The following USP6NL variants were observed in gnomAD, a reference collection of about 807,000 sequenced individuals.
The protein encoded by USP6NL is USP6 N-terminal like.
A neutral mutation model predicts 61.9 loss-of-function variants in USP6NL; 26 were observed. The ratio of observed to expected loss-of-function variants is 0.42; its 90% CI spans 0.31 to 0.58. The LOEUF is 0.58. Ranked by LOEUF, USP6NL falls within the 20% of genes least tolerant of loss-of-function variation. The probability of loss-of-function intolerance (pLI) is 0.16; values close to 1 mark genes in which losing one functional copy is unlikely to be tolerated. For missense variants in USP6NL, 1,114 were observed against 1,034.3 expected (o/e 1.08, Z -1.06); for synonymous variants, 432 against 390.1 (o/e 1.11, Z -1.27).
At position 11,482,886 on chromosome 10, in the gene USP6NL, A is replaced by G. The variant is rs185806406; in HGVS notation, c.926-964T>C. On this transcript the variant is annotated intron_variant, in intron 13 of 14. Transcript: ENST00000609104. The surrounding 1 kb of genome is among the most constrained non-coding windows in gnomAD (Gnocchi z 4.0). The stretch of plus-strand genomic sequence containing the variant: ...TTTTAATTGGCTAATGACAAATTGT[A>G]TATATCTGTGGTAGACAATGTTTTG... 2.2e-4 allele frequency among the ~76,000 whole-genome samples: 34 copies of G among 152,342 alleles called. No individual in the cohort carries two copies. Among genetic ancestry groups the G allele is most frequent in the East Asian group, 1.7e-3 (9 of 5,196 alleles).
At chr10:11,500,143 A>T (rs1834115216) in intron 7 of USP6NL, among the ~76,000 whole-genome samples, 1 of 152,186 alleles carries the variant, frequency 6.6e-6, no homozygotes, top group African/African-American at 2.4e-5. Context: ...CATGATGAGG[A>T]ACAAAACATA....
At position 11,470,877 on chromosome 10, in the gene USP6NL, C is replaced by A. The variant is rs1375360406; in HGVS notation, c.1079-7028G>T. Among the ~76,000 whole-genome samples the A allele has an allele frequency of 6.6e-6, 1 of 152,208 alleles. No individual in the cohort carries two copies. The highest frequency in any genetic ancestry group is 1.9e-4 in the East Asian group (1 of 5,202). ...ATGCCTAAAATTTTATTTTCCCTTT[C>A]CTCTCCCTAAAAACACAGGAATTGG... is the stretch of plus-strand genomic sequence containing the variant. On this transcript the variant is annotated intron_variant, in intron 14 of 14. Coordinates refer to ENST00000609104, the MANE Select transcript of USP6NL (RefSeq NM_014688.5). This position sits in a 1 kb window ranked among gnomAD's most constrained non-coding sequence, Gnocchi z 5.4.
chr10:11,608,123 C>G (rs1476225507), intron 1 of USP6NL, among the ~76,000 whole-genome samples: 1 of 152,162 alleles, frequency 6.6e-6, no homozygotes, highest in Non-Finnish European at 1.5e-5. Flanking sequence ...GAAAATGGAA[C>G]CAAAATGAAA....
chr10:11,510,576 C>T lies in USP6NL; in HGVS notation c.196-901G>A, dbSNP rs577835818. On this transcript the variant is annotated intron_variant, in intron 5 of 14. Transcript: ENST00000609104. This position sits in a 1 kb window ranked among gnomAD's most constrained non-coding sequence, Gnocchi z 4.8. ...TGGGGAAAGTGAGACGGAAAATGCT[C>T]GCTCTTCACTTGTTTGGTTTCCAGG... Among the ~76,000 whole-genome samples the T allele has an allele frequency of 2.0e-5, 3 of 152,256 alleles. No individual in the cohort carries two copies. The highest frequency in any genetic ancestry group is 1.9e-4 in the East Asian group (1 of 5,184).
Position 11,485,243 on chromosome 10 carries a change from A to C in USP6NL, c.760-9T>G. Reference sequence around the variant, plus strand: ...TAGATTTCTTGAGAATCCTGAAAAAACAAAGAGCTCACAATTTATGGATTG... The same window carrying C: ...TAGATTTCTTGAGAATCCTGAAAAACCAAAGAGCTCACAATTTATGGATTG... On this transcript the variant is annotated splice_polypyrimidine_tract_variant and intron_variant, in intron 11 of 14. Coordinates refer to ENST00000609104, the MANE Select transcript of USP6NL (RefSeq NM_014688.5). The surrounding 1 kb of genome is among the most constrained non-coding windows in gnomAD (Gnocchi z 4.8). 1 of 1,517,074 alleles carries C rather than the reference A, an allele frequency of 6.6e-7. No homozygotes were observed. Among genetic ancestry groups the C allele is most frequent in the African/African-American group, 1.4e-5 (1 of 70,308 alleles). 94.0% of individuals were successfully genotyped at this position (1,517,074 alleles called of 1,614,324 possible).
intron 1 of USP6NL, among the ~76,000 whole-genome samples, chr10:11,610,017 T>G (rs1838837557): frequency 1.3e-5 from 2 of 152,222 alleles, no homozygotes; most frequent in South Asian, 2.1e-4. Context: ...CCCAAATTCT[T>G]AATATTTGGC....
Position 11,462,550 on chromosome 10 carries a change from G to T in USP6NL, c.2378C>A (p.Ala793Asp), listed in dbSNP as rs1401040102. 2.5e-6 allele frequency: 4 copies of T among 1,614,050 alleles called. No homozygotes were observed. The highest frequency in any genetic ancestry group is 3.4e-6 in the Non-Finnish European group (4 of 1,179,908). Residue 793 changes from alanine (A) to aspartate (D), a missense_variant, in exon 15 of 15, where the codon GCC (alanine) becomes GAC (aspartate). Physicochemically the swap from Ala to Asp is moderately radical, Grantham distance 126. Coordinates refer to ENST00000609104, the MANE Select transcript of USP6NL (RefSeq NM_014688.5). ...DSPVRYKASPAAEDASPSGYP... is the reference protein window; with the variant it reads ...DSPVRYKASPDAEDASPSGYP... ...TCCAGATGGACTGGCATCTTCTGCGGCCGGTGAAGCTTTATATCTCACGGG... is the reference window on the plus strand; with the variant it reads ...TCCAGATGGACTGGCATCTTCTGCGTCCGGTGAAGCTTTATATCTCACGGG...
chr10:11,611,444 T>G lies in USP6NL; in HGVS notation c.-85A>C, dbSNP rs1838896427. The G allele has an allele frequency of 1.3e-5, 2 of 152,528 alleles. No homozygotes were observed. Among genetic ancestry groups the G allele is most frequent in the South Asian group, 3.9e-4 (2 of 5,148 alleles). The allele number at this position is 152,528 out of a possible 1,614,324, so 9.4% of individuals were successfully genotyped here. ...CGGGAGCTGAGGAATGGAAGTTACC[T>G]CAGTACGGTCCCGACTGCTAGGCTG... On this transcript the variant is annotated splice_region_variant and 5_prime_UTR_variant, in exon 1 of 15. Transcript: ENST00000609104. This position sits in a 1 kb window ranked among gnomAD's most constrained non-coding sequence, Gnocchi z 5.3.
In USP6NL at chr10:11,597,307, C is replaced by A. The variant is rs551154410; in HGVS notation, c.4+324G>T. 3.1e-4 allele frequency among the ~76,000 whole-genome samples: 47 copies of A among 152,112 alleles called. No homozygotes were observed. The highest frequency in any genetic ancestry group is 6.5e-4 in the Non-Finnish European group (44 of 68,028). On this transcript the variant is annotated intron_variant, in intron 2 of 14. Transcript: ENST00000609104. The surrounding 1 kb of genome is among the most constrained non-coding windows in gnomAD (Gnocchi z 4.6). ...CAATAAAATCTCTACTAATTATGGT[C>A]AACTGCAATGTTCCCTATTCATATT...
rs1190277456 is a variant in USP6NL at position 11,561,851 on chromosome 10, T to TGG, written c.5-34286_5-34285dup. 6.6e-6 allele frequency among the ~76,000 whole-genome samples: 1 copy of TGG among 152,262 alleles called. No homozygotes were observed. Among genetic ancestry groups the TGG allele is most frequent in the Admixed American group, 6.5e-5 (1 of 15,288 alleles). ...GCACCTTTTTCATCACATTGAATACTGGTCCCATTTATTAATTTTAGCCAG... is the reference window on the plus strand; with the variant it reads ...GCACCTTTTTCATCACATTGAATACTGGGGTCCCATTTATTAATTTTAGCCAG... On this transcript the variant is annotated intron_variant, in intron 2 of 14. Transcript: ENST00000609104. This position sits in a 1 kb window ranked among gnomAD's most constrained non-coding sequence, Gnocchi z 4.1.
chr10:11,541,355 C>G (rs1227775321), intron 2 of USP6NL, among the ~76,000 whole-genome samples: 1 of 146,596 alleles, frequency 6.8e-6, no homozygotes, highest in African/African-American at 2.5e-5. Context: ...AGCATTTATT[C>G]TGTACAATCC....
rs1226643376 is a variant in USP6NL, at chr10:11,481,276, CA to C, written c.1078+493del. 6.6e-6 allele frequency among the ~76,000 whole-genome samples: 1 copy of C among 151,708 alleles called. No individual in the cohort carries two copies. The highest frequency in any genetic ancestry group is 2.4e-5 in the African/African-American group (1 of 41,268). On this transcript the variant is annotated intron_variant, in intron 14 of 14. Transcript: ENST00000609104. The surrounding 1 kb of genome is among the most constrained non-coding windows in gnomAD (Gnocchi z 4.4). Reference sequence around the variant, plus strand: ...CTACAAAGAGCCCTGGGCTAGTAGTCAGAAAAACTGGCCTGCAGTCTCAGTA... The same window carrying C: ...CTACAAAGAGCCCTGGGCTAGTAGTCGAAAAACTGGCCTGCAGTCTCAGTA...
rs1833618213 is a variant in USP6NL, at chr10:11,489,450, A to G, written c.544-228T>C. Among the ~76,000 whole-genome samples the G allele has an allele frequency of 1.3e-5, 2 of 152,238 alleles. No individual in the cohort carries two copies. The highest frequency in any genetic ancestry group is 1.3e-4 in the Admixed American group (2 of 15,286). On this transcript the variant is annotated intron_variant, in intron 9 of 14. Transcript: ENST00000609104. The surrounding 1 kb of genome is among the most constrained non-coding windows in gnomAD (Gnocchi z 5.7). Reference sequence around the variant, plus strand: ...AAAGTCTAAATTGCTACATATTTTTATTGGACTCGGTCTTCAATACTGTCA... The same window carrying G: ...AAAGTCTAAATTGCTACATATTTTTGTTGGACTCGGTCTTCAATACTGTCA...
At chr10:11,538,210 T>A (rs1002175867) in intron 2 of USP6NL, among the ~76,000 whole-genome samples, 1 of 152,310 alleles carries the variant, frequency 6.6e-6, no homozygotes, top group East Asian at 1.9e-4. Context: ...TAGAAACAAA[T>A]GCTGACAAGA....
chr10:11,591,195 GA>G lies in USP6NL; in HGVS notation c.4+6435del, dbSNP rs1435975667. On this transcript the variant is annotated intron_variant, in intron 2 of 14. Coordinates refer to ENST00000609104, the MANE Select transcript of USP6NL (RefSeq NM_014688.5). This position sits in a 1 kb window ranked among gnomAD's most constrained non-coding sequence, Gnocchi z 4.7. ...GGGAACATAAAGAGGCCAGCCACTG[GA>G]AAACTTACTGCTTTCAGAATGGAAT... Among the ~76,000 whole-genome samples, 4 of 152,162 alleles carry G rather than the reference GA, an allele frequency of 2.6e-5. No individual in the cohort carries two copies. The highest frequency in any genetic ancestry group is 9.7e-5 in the African/African-American group (4 of 41,422).
rs141938922 is a variant in USP6NL at position 11,504,138 on chromosome 10, A to G, written c.277-2930T>C. ...CATATAGCAGAAAAAGAATTAAATTATAAGACCCTAAAATAAAAATTTTCT... is the reference window on the plus strand; with the variant it reads ...CATATAGCAGAAAAAGAATTAAATTGTAAGACCCTAAAATAAAAATTTTCT... On this transcript the variant is annotated intron_variant, in intron 6 of 14. Coordinates refer to ENST00000609104, the MANE Select transcript of USP6NL (RefSeq NM_014688.5). 2.7e-3 allele frequency among the ~76,000 whole-genome samples: 408 copies of G among 152,364 alleles called. 3 individuals are homozygous for G. The highest frequency in any genetic ancestry group is 9.3e-3 in the African/African-American group (386 of 41,578).
chr10:11,502,949 A>T (rs112652841), intron 6 of USP6NL, among the ~76,000 whole-genome samples: 38 of 152,302 alleles, frequency 2.5e-4, no homozygotes, highest in African/African-American at 7.7e-4. Flanking sequence ...ATAAAACTAG[A>T]CTCGCAACAT....
At chr10:11,560,364 A>T (rs969480960) in intron 2 of USP6NL, among the ~76,000 whole-genome samples, 3 of 152,164 alleles carry the variant, frequency 2.0e-5, no homozygotes, top group Non-Finnish European at 2.9e-5. Flanking sequence ...CGGCACCAAG[A>T]TTCAAATCCC....
At chr10:11,493,481 A>G (rs1024023172) in intron 7 of USP6NL, among the ~76,000 whole-genome samples, 11 of 151,958 alleles carry the variant, frequency 7.2e-5, no homozygotes, top group African/African-American at 1.9e-4. Flanking sequence ...TATCTAGTTA[A>G]TTTTAATTTA....
Sources: gnomAD v4.1 joint callset for allele counts (sites outside exome capture counted in the v4.1 genomes callset) on GRCh38, gnomAD v4.1.1 for gene constraint, Gnocchi (gnomAD v3.1) non-coding constraint, MANE v1.5 for transcripts, NCBI Gene and HGNC (gene_info 2026-07-23, HGNC 2026-07-21) for gene names.